PRKAA1: variants seen among roughly 807,000 people sequenced by gnomAD.
PRKAA1 encodes the protein 5'-AMP-activated protein kinase catalytic subunit alpha-1.
In PRKAA1, 23 loss-of-function variants were observed where a neutral mutation model predicts 56.9. That is an observed-to-expected ratio of 0.40 (90% CI 0.29 to 0.57). The LOEUF is 0.57. Ranked by LOEUF, PRKAA1 falls within the 20% of genes least tolerant of loss-of-function variation. PRKAA1 has a pLI of 0.39. For synonymous variants in PRKAA1, 226 were observed against 227.0 expected, an observed-to-expected ratio of 1.00 and a Z score of 0.04; for missense variants, 413 against 679.7, an observed-to-expected ratio of 0.61 and a Z score of 4.36.
chr5:40,765,076 CTGG>C lies in PRKAA1; in HGVS notation c.981_983del (p.His327del). The C allele has an allele frequency of 1.2e-6, 2 of 1,614,146 alleles. No individual in the cohort carries two copies. The highest frequency in any genetic ancestry group is 2.2e-5 in the South Asian group (2 of 91,078). On this transcript the variant is annotated inframe_deletion, in exon 7 of 9. Transcript: ENST00000397128. ...GATGGTAGGCAACTGCCAAAGGATC[CTGG>C]TGATTTCTGTTGTAAAGACAGCTGA...
chr5:40,790,030 G>C (rs951621304), intron 1 of PRKAA1: 2 of 152,222 alleles, frequency 1.3e-5, no homozygotes, highest in African/African-American at 2.4e-5. Context: ...ATCCTGGGGA[G>C]AAGCCCACTG....
At chr5:40,772,424 G>A (rs1743788652) in intron 3 of PRKAA1, among the ~76,000 whole-genome samples, 1 of 151,382 alleles carries the variant, frequency 6.6e-6, no homozygotes, top group African/African-American at 2.4e-5. Flanking sequence ...TAGACCATGA[G>A]GAAGTAATAT....
rs769305521 is a variant in PRKAA1, at chr5:40,764,999, G to A, written c.1061C>T (p.Ala354Val). The A allele has an allele frequency of 4.3e-6, 7 of 1,614,100 alleles. No individual in the cohort carries two copies. The highest frequency in any genetic ancestry group is 1.7e-5 in the Admixed American group (1 of 60,012). ...IMNEAKDFYL[A>V]TSPPDSFLDD... Reference sequence around the variant, plus strand: ...AAGAAAAGAATCAGGTGGGCTTGTCGCCAAATAGAAATCTTTGGCTTCATT... The same window carrying A: ...AAGAAAAGAATCAGGTGGGCTTGTCACCAAATAGAAATCTTTGGCTTCATT... Residue 354 changes from alanine (A) to valine (V), a missense_variant, in exon 7 of 9, where the codon GCG (alanine) becomes GTG (valine). Coordinates refer to ENST00000397128, the MANE Select transcript of PRKAA1 (RefSeq NM_006251.6).
chr5:40,793,524 T>C (rs1386162517), intron 1 of PRKAA1, among the ~76,000 whole-genome samples: 1 of 152,168 alleles, frequency 6.6e-6, no homozygotes, highest in Non-Finnish European at 1.5e-5. Flanking sequence ...TGCATATCAA[T>C]ATCATATATT....
intron 3 of PRKAA1, 82 bp from the exon 4 acceptor site, chr5:40,771,945 T>G: frequency 6.7e-7 from 1 of 1,492,648 alleles, no homozygotes. Context: ...CCTATAAAAT[T>G]GTCAAAATAC....
Position 40,798,253 on chromosome 5 carries a change from G to A in PRKAA1, c.-64C>T, listed in dbSNP as rs890945359. 1.7e-6 allele frequency: 1 copy of A among 601,110 alleles called. No homozygotes were observed. The highest frequency in any genetic ancestry group is 2.5e-6 in the Non-Finnish European group (1 of 398,932). 37.2% of individuals were successfully genotyped at this position (601,110 alleles called of 1,614,324 possible). ...CGCCGGGGGCGGGCGGGGAGGGGGT[G>A]GGGACGCGGGAGGGCAGCCACCGAG... is the stretch of plus-strand genomic sequence containing the variant. On this transcript the variant is annotated 5_prime_UTR_variant, in exon 1 of 9. Transcript: ENST00000397128.
intron 4 of PRKAA1, among the ~76,000 whole-genome samples, chr5:40,770,028 C>T (rs982491629): frequency 6.6e-6 from 1 of 151,782 alleles, no homozygotes; most frequent in Non-Finnish European, 1.5e-5. Flanking sequence ...TAGCCAATTA[C>T]TATTTTAAAA....
chr5:40,767,068 G>C (rs1231272231), intron 6 of PRKAA1, among the ~76,000 whole-genome samples: 1 of 151,862 alleles, frequency 6.6e-6, no homozygotes, highest in Non-Finnish European at 1.5e-5. Flanking sequence ...ATGGGGCCTC[G>C]CTATGTTACC....
At chr5:40,779,079 G>A (rs1049247040) in intron 1 of PRKAA1, among the ~76,000 whole-genome samples, 6 of 151,706 alleles carry the variant, frequency 4.0e-5, no homozygotes, top group African/African-American at 1.2e-4. Context: ...GATTATAGGT[G>A]TGAGCCACCA....
At chr5:40,769,593 A>G in intron 4 of PRKAA1, 90 bp from the exon 5 acceptor site, 1 of 1,034,770 alleles carries the variant, frequency 9.7e-7, no homozygotes. Context: ...TTGCATTAAA[A>G]TGATAAATCA....
chr5:40,769,611 G>C, intron 4 of PRKAA1, 108 bp from the exon 5 acceptor site: 7 of 911,912 alleles, frequency 7.7e-6, no homozygotes, highest in Non-Finnish European at 1.2e-5. Flanking sequence ...TCATCATTTT[G>C]TTATTTGCTT....
chr5:40,784,418 C>G (rs1744387095), intron 1 of PRKAA1, among the ~76,000 whole-genome samples: 1 of 152,166 alleles, frequency 6.6e-6, no homozygotes, highest in Non-Finnish European at 1.5e-5. Context: ...CAGATTTCTA[C>G]CTTCCAAAGT....
In PRKAA1 at chr5:40,765,058, G is replaced by A; in HGVS notation, c.1002C>T (p.Ala334=). ...TCCTGTTATCTATTATGAGATGGTA[G>A]GCAACTGCCAAAGGATCCTGGTGAT... ...NRNHQDPLAV[A]YHLIIDNRRI... is the part of the protein sequence containing the mutation. The change falls in exon 7 of 9, where the codon GCC becomes GCT. Residue 334 remains alanine (A), a synonymous_variant. Transcript: ENST00000397128. The A allele has an allele frequency of 6.2e-7, 1 of 1,614,114 alleles. No individual in the cohort carries two copies. The highest frequency in any genetic ancestry group is 8.5e-7 in the Non-Finnish European group (1 of 1,180,002).
At chr5:40,797,568 T>G (rs893532216) in intron 1 of PRKAA1, among the ~76,000 whole-genome samples, 1 of 151,802 alleles carries the variant, frequency 6.6e-6, no homozygotes, top group Non-Finnish European at 1.5e-5. Flanking sequence ...CATTTCGCAC[T>G]CGGGAAACAG....
chr5:40,766,354 A>G (rs1177418590), intron 6 of PRKAA1, among the ~76,000 whole-genome samples: 1 of 152,200 alleles, frequency 6.6e-6, no homozygotes, highest in Non-Finnish European at 1.5e-5. Context: ...ATAAATGTGC[A>G]GTCTAGCCAT....
chr5:40,785,762 C>A (rs1744441400), intron 1 of PRKAA1, among the ~76,000 whole-genome samples: 1 of 151,316 alleles, frequency 6.6e-6, no homozygotes, highest in Non-Finnish European at 1.5e-5. Flanking sequence ...AAGATGAAAT[C>A]TTACTGGATT....
rs754385033 is a variant in PRKAA1 at position 40,780,578 on chromosome 5, G to A, written c.128-2992C>T. ...TTCAAGCTGGAGACCCTGGCATGCT[G>A]GTAGCTTGGCTCAGTCCAAAGACCT... On this transcript the variant is annotated intron_variant, in intron 1 of 8. Coordinates refer to ENST00000397128, the MANE Select transcript of PRKAA1 (RefSeq NM_006251.6). Among the ~76,000 whole-genome samples, 17 of 152,226 alleles carry A rather than the reference G, an allele frequency of 1.1e-4. 1 individual carries two copies. The highest frequency in any genetic ancestry group is 2.2e-4 in the Non-Finnish European group (15 of 68,020).
chr5:40,788,566 A>G (rs1318964909), intron 1 of PRKAA1, among the ~76,000 whole-genome samples: 1 of 152,198 alleles, frequency 6.6e-6, no homozygotes, highest in East Asian at 1.9e-4. Context: ...CAAACAGGCC[A>G]GACGCGTAAT....
rs148956646 is a variant in PRKAA1 at position 40,772,215 on chromosome 5, C to G, written c.364-352G>C. Among the ~76,000 whole-genome samples, 141 of 152,258 alleles carry G rather than the reference C, an allele frequency of 9.3e-4. 2 individuals carry two copies. Among genetic ancestry groups the G allele is most frequent in the East Asian group, 2.1e-3 (11 of 5,184 alleles). ...AGCGGCAAATGTTTACTCTTTCATT[C>G]TTTTAACAAATTACTGAATACCTTC... On this transcript the variant is annotated intron_variant, in intron 3 of 8. Coordinates refer to ENST00000397128, the MANE Select transcript of PRKAA1 (RefSeq NM_006251.6).
Sources: allele counts gnomAD v4.1 joint callset (sites outside exome capture counted in the v4.1 genomes callset), GRCh38; gene constraint gnomAD v4.1.1; transcripts MANE v1.5; gene names NCBI Gene and HGNC (gene_info 2026-07-23, HGNC 2026-07-21).